Variants in CDH8 observed in about 807,000 individuals in gnomAD.
CDH8 encodes the protein cadherin-8.
Under a neutral mutation model 68.1 loss-of-function variants are expected in CDH8, and 17 were observed. That is an observed-to-expected ratio of 0.25 (90% CI 0.17 to 0.37). The LOEUF (loss-of-function observed/expected upper bound fraction) is 0.37. Among genes scored for constraint, CDH8 ranks in the 10% least tolerant of loss-of-function variants. CDH8 has a pLI of 1.00. For synonymous variants in CDH8, 372 were observed against 365.1 expected (o/e 1.02, Z -0.21); for missense variants, 763 against 999.3 (o/e 0.76, Z 3.19).
intron 7 of CDH8, among the ~76,000 whole-genome samples, chr16:61,799,123 T>C (rs1233184796): frequency 6.6e-6 from 1 of 152,152 alleles, no homozygotes; most frequent in Non-Finnish European, 1.5e-5. Context: ...TTTCTATGAA[T>C]GTCCACAGGT....
At chr16:62,030,267 T>C (rs1902293448) in intron 1 of CDH8, among the ~76,000 whole-genome samples, 1 of 152,224 alleles carries the variant, frequency 6.6e-6, no homozygotes, top group Non-Finnish European at 1.5e-5. Context: ...CTTATGCAGA[T>C]TCCAAAATAC....
intron 10 of CDH8, among the ~76,000 whole-genome samples, chr16:61,677,673 A>G (rs1402276572): frequency 6.6e-6 from 1 of 151,992 alleles, no homozygotes; most frequent in Non-Finnish European, 1.5e-5. Context: ...TTTTCCTTCT[A>G]ATACCAGCCA....
chr16:61,711,375 T>C (rs1390146312), intron 10 of CDH8, among the ~76,000 whole-genome samples: 2 of 151,862 alleles, frequency 1.3e-5, no homozygotes, highest in Admixed American at 6.6e-5. Context: ...TCATCAACAA[T>C]AGATTTGATT....
rs377142871 is a variant in CDH8 at position 61,950,742 on chromosome 16, G to A, written c.253-49269C>T. ...AAAAGAACAAAATCATGTCTTTTGT[G>A]GGAACATGGATGGGACGGGGGCCAT... On this transcript the variant is annotated intron_variant, in intron 2 of 11. Coordinates refer to ENST00000577390, the MANE Select transcript of CDH8 (RefSeq NM_001796.5). Among the ~76,000 whole-genome samples, 3 of 152,238 alleles carry A rather than the reference G, an allele frequency of 2.0e-5. 1 individual carries two copies. The highest frequency in any genetic ancestry group is 4.1e-4 in the South Asian group (2 of 4,824).
chr16:61,744,409 T>A (rs1959960796), intron 8 of CDH8, among the ~76,000 whole-genome samples: 1 of 152,044 alleles, frequency 6.6e-6, no homozygotes, highest in Non-Finnish European at 1.5e-5. Flanking sequence ...CAACTTTCCT[T>A]CAGTTTCAAT....
intron 4 of CDH8, among the ~76,000 whole-genome samples, chr16:61,848,405 T>C (rs1962862491): frequency 6.6e-6 from 1 of 152,136 alleles, no homozygotes; most frequent in South Asian, 2.1e-4. Flanking sequence ...GGAAAGCTCC[T>C]TGTGAACTTC....
intron 10 of CDH8, among the ~76,000 whole-genome samples, chr16:61,699,205 C>T (rs531785115): frequency 6.6e-6 from 1 of 152,218 alleles, no homozygotes; most frequent in Non-Finnish European, 1.5e-5. Flanking sequence ...AGAAAGGGTC[C>T]TGGTAAGAGA....
rs1597079773 is a variant in CDH8 at position 61,941,692 on chromosome 16, T to G, written c.253-40219A>C. Among the ~76,000 whole-genome samples, 3 of 152,232 alleles carry G rather than the reference T, an allele frequency of 2.0e-5. No individual in the cohort carries two copies. In the South Asian group the frequency reaches 6.2e-4, roughly 31 times the overall value. ...CCTAACCTCAGGTGATCCACCCCCC[T>G]TGCCCTCACAAATTGCTGGGATTAC... On this transcript the variant is annotated intron_variant, in intron 2 of 11. Coordinates refer to ENST00000577390, the MANE Select transcript of CDH8 (RefSeq NM_001796.5).
intron 2 of CDH8, among the ~76,000 whole-genome samples, chr16:61,955,711 A>G (rs1964976603): frequency 6.6e-6 from 1 of 152,208 alleles, no homozygotes; most frequent in Admixed American, 6.5e-5. Context: ...AAATCCTAGC[A>G]GGAAGGATGT....
intron 2 of CDH8, among the ~76,000 whole-genome samples, chr16:61,964,795 T>C (rs1344414704): frequency 9.9e-5 from 15 of 152,204 alleles, no homozygotes; most frequent in Non-Finnish European, 1.5e-4. Flanking sequence ...ACCTTTCTCC[T>C]TCCATCCTAC....
intron 2 of CDH8, among the ~76,000 whole-genome samples, chr16:61,950,391 TGTGCATAAGAG>T (rs1964875301): frequency 2.0e-5 from 3 of 152,326 alleles, no homozygotes; most frequent in East Asian, 3.9e-4. Context: ...ATTTACCGGA[TGTGCATAAGAG>T]TTCAATACTT....
intron 10 of CDH8, among the ~76,000 whole-genome samples, chr16:61,700,707 A>G (rs1353105486): frequency 6.6e-6 from 1 of 152,228 alleles, no homozygotes; most frequent in African/African-American, 2.4e-5. Flanking sequence ...TCTTGGAAGT[A>G]GAACCAGAAC....
At chr16:61,984,561 A>C (rs989366077) in intron 2 of CDH8, among the ~76,000 whole-genome samples, 5 of 151,900 alleles carry the variant, frequency 3.3e-5, no homozygotes, top group African/African-American at 1.2e-4. Flanking sequence ...GGTAGCTAGG[A>C]TCATAGGCAT....
At chr16:61,811,744 G>A (rs1260705276) in intron 7 of CDH8, among the ~76,000 whole-genome samples, 1 of 151,986 alleles carries the variant, frequency 6.6e-6, no homozygotes. Flanking sequence ...CCTGCAATAC[G>A]CAACAACATG....
intron 2 of CDH8, among the ~76,000 whole-genome samples, chr16:61,946,898 C>T (rs1241741692): frequency 6.6e-6 from 1 of 152,174 alleles, no homozygotes; most frequent in Non-Finnish European, 1.5e-5. Context: ...TGATGCAGAA[C>T]AATCTTAGGT....
At chr16:61,919,927 A>G (rs940180445) in intron 2 of CDH8, among the ~76,000 whole-genome samples, 4 of 152,202 alleles carry the variant, frequency 2.6e-5, no homozygotes, top group Admixed American at 2.6e-4. Flanking sequence ...GAAACAGAAC[A>G]GAGCCCTCAG....
chr16:61,922,832 A>G (rs1239110219), intron 2 of CDH8, among the ~76,000 whole-genome samples: 2 of 152,230 alleles, frequency 1.3e-5, no homozygotes, highest in Non-Finnish European at 2.9e-5. Flanking sequence ...TAAATCACAT[A>G]CAAATTTATG....
At chr16:61,807,638 G>T (rs1961826947) in intron 7 of CDH8, among the ~76,000 whole-genome samples, 1 of 152,124 alleles carries the variant, frequency 6.6e-6, no homozygotes, top group East Asian at 1.9e-4. Flanking sequence ...TGAGGGGCGT[G>T]GTCAGGAGAC....
intron 10 of CDH8, among the ~76,000 whole-genome samples, chr16:61,707,427 T>C (rs1361608370): frequency 6.6e-6 from 1 of 152,136 alleles, no homozygotes; most frequent in African/African-American, 2.4e-5. Flanking sequence ...ACCCTAAATA[T>C]TCCTAACTAT....
Sources: gnomAD v4.1 joint callset for allele counts (sites outside exome capture counted in the v4.1 genomes callset) on GRCh38, gnomAD v4.1.1 for gene constraint, MANE v1.5 for transcripts, NCBI Gene and HGNC (gene_info 2026-07-23, HGNC 2026-07-21) for gene names.